The following DLG2 variants were observed in gnomAD, a reference collection of about 807,000 sequenced individuals.
DLG2 encodes the protein disks large homolog 2.
In DLG2, 45 loss-of-function variants were observed where a neutral mutation model predicts 132.5. That is an observed-to-expected ratio of 0.34 (90% CI 0.27 to 0.44). The LOEUF is 0.44. Among genes scored for constraint, DLG2 ranks in the 20% least tolerant of loss-of-function variants. DLG2 has a pLI of 1.00. For synonymous variants in DLG2, 424 were observed against 419.6 expected (o/e 1.01, Z -0.13); for missense variants, 1,045 against 1,196.9 (o/e 0.87, Z 1.87).
chr11:84,903,670 G>A (rs11234236), intron 6 of DLG2, among the ~76,000 whole-genome samples: 70,422 of 151,460 alleles, frequency 0.46, 16,983 homozygotes, highest in South Asian at 0.62. Context: ...GCTGAATATA[G>A]TTTCCCTCAA....
chr11:84,983,251 A>G (rs2056017448), intron 6 of DLG2, among the ~76,000 whole-genome samples: 1 of 152,150 alleles, frequency 6.6e-6, no homozygotes, highest in South Asian at 2.1e-4. Context: ...AGGACCCAGG[A>G]GACGCCCCAA....
chr11:84,625,756 C>A (rs1015514166), intron 6 of DLG2, among the ~76,000 whole-genome samples: 1 of 152,074 alleles, frequency 6.6e-6, no homozygotes, highest in Non-Finnish European at 1.5e-5. Context: ...TTTTTTGATT[C>A]ATGAACCTTG....
chr11:85,478,253 C>A (rs1233252845), intron 3 of DLG2, among the ~76,000 whole-genome samples: 1 of 152,040 alleles, frequency 6.6e-6, no homozygotes, highest in Non-Finnish European at 1.5e-5. Flanking sequence ...AATTCCTGGC[C>A]TCAAGCTGTC....
intron 8 of DLG2, among the ~76,000 whole-genome samples, chr11:84,214,818 A>T (rs1339174735): frequency 6.6e-6 from 1 of 152,240 alleles, no homozygotes; most frequent in East Asian, 1.9e-4. Context: ...AAGAGTAGTT[A>T]TCTTTTCAGG....
chr11:85,445,923 A>G (rs993090883), intron 3 of DLG2, among the ~76,000 whole-genome samples: 1 of 152,196 alleles, frequency 6.6e-6, no homozygotes, highest in Non-Finnish European at 1.5e-5. Context: ...TATTATGTAC[A>G]CTGCCTCTAA....
At chr11:83,463,365 T>C (rs12278046) in intron 26 of DLG2, among the ~76,000 whole-genome samples, 33,926 of 152,166 alleles carry the variant, frequency 0.22, 4,163 homozygotes, top group Non-Finnish European at 0.28. Flanking sequence ...AGGGGTGTTA[T>C]GTATAATTTT....
intron 3 of DLG2, among the ~76,000 whole-genome samples, chr11:85,543,926 C>G (rs1168188961): frequency 2.0e-5 from 3 of 151,884 alleles, no homozygotes; most frequent in African/African-American, 7.3e-5. Context: ...AAATTTTCTC[C>G]CATTCTGTAG....
chr11:84,779,976 A>G (rs1236237084), intron 6 of DLG2, among the ~76,000 whole-genome samples: 1 of 151,938 alleles, frequency 6.6e-6, no homozygotes, highest in Non-Finnish European at 1.5e-5. Flanking sequence ...AAGAACTAAT[A>G]CCAATCCTCC....
At chr11:84,480,248 CATT>C (rs1256664529) in intron 7 of DLG2, among the ~76,000 whole-genome samples, 1 of 152,106 alleles carries the variant, frequency 6.6e-6, no homozygotes, top group Non-Finnish European at 1.5e-5. Flanking sequence ...CGTTAGCCAT[CATT>C]ATACTGTTTT....
At chr11:83,496,020 G>A (rs1032258350) in intron 21 of DLG2, among the ~76,000 whole-genome samples, 3 of 151,934 alleles carry the variant, frequency 2.0e-5, no homozygotes, top group Non-Finnish European at 4.4e-5. Context: ...TTCAAAAGAA[G>A]TCATTTAAAA....
At chr11:83,782,471 G>A (rs903492616) in intron 18 of DLG2, among the ~76,000 whole-genome samples, 1 of 152,170 alleles carries the variant, frequency 6.6e-6, no homozygotes, top group Non-Finnish European at 1.5e-5. Context: ...GGCACACCAG[G>A]TGTTTACATA....
chr11:85,168,242 A>T (rs1306007400), intron 4 of DLG2, among the ~76,000 whole-genome samples: 1 of 152,152 alleles, frequency 6.6e-6, no homozygotes, highest in Non-Finnish European at 1.5e-5. Flanking sequence ...CTATAAAACC[A>T]TGTGGAAAGA....
intron 7 of DLG2, among the ~76,000 whole-genome samples, chr11:84,474,280 C>T (rs1265198926): frequency 6.6e-6 from 1 of 152,076 alleles, no homozygotes; most frequent in East Asian, 1.9e-4. Context: ...ACCCAGTTTA[C>T]AGATGCACCC....
At chr11:84,856,790 G>A (rs1324627920) in intron 6 of DLG2, among the ~76,000 whole-genome samples, 3 of 151,970 alleles carry the variant, frequency 2.0e-5, no homozygotes, top group Non-Finnish European at 4.4e-5. Flanking sequence ...CCTAGTGTCT[G>A]CCTTCTCTCA....
chr11:84,205,616 T>G (rs1287741969), intron 8 of DLG2, among the ~76,000 whole-genome samples: 1 of 151,582 alleles, frequency 6.6e-6, no homozygotes, highest in Non-Finnish European at 1.5e-5. Context: ...AAATAAAAGA[T>G]CATAAAGAAA....
At chr11:84,364,567 G>C (rs1037116395) in intron 7 of DLG2, among the ~76,000 whole-genome samples, 6 of 152,152 alleles carry the variant, frequency 3.9e-5, no homozygotes, top group Non-Finnish European at 7.3e-5. Context: ...AGTGGTGAGA[G>C]AGGACATCCC....
chr11:84,203,851 G>A (rs2096630154), intron 8 of DLG2, among the ~76,000 whole-genome samples: 1 of 152,164 alleles, frequency 6.6e-6, no homozygotes, highest in Non-Finnish European at 1.5e-5. Context: ...TAGGTGATGG[G>A]ATGACCTGTG....
chr11:85,387,108 A>G (rs1438618335), intron 3 of DLG2, among the ~76,000 whole-genome samples: 1 of 152,014 alleles, frequency 6.6e-6, no homozygotes, highest in Non-Finnish European at 1.5e-5. Context: ...GGCTGGTCTC[A>G]AACTCCTTAC....
chr11:85,340,421 T>C (rs551583666), intron 3 of DLG2, among the ~76,000 whole-genome samples: 3 of 152,174 alleles, frequency 2.0e-5, no homozygotes, highest in Admixed American at 1.3e-4. Flanking sequence ...TTCTCATTCA[T>C]ATGTGGGAAT....
Sources: gnomAD v4.1 joint callset for allele counts (sites outside exome capture counted in the v4.1 genomes callset) on GRCh38, gnomAD v4.1.1 for gene constraint, MANE v1.5 for transcripts, NCBI Gene and HGNC (gene_info 2026-07-23, HGNC 2026-07-21) for gene names.